The following KIF4A variants were observed in gnomAD, a reference collection of about 807,000 sequenced individuals.
KIF4A encodes the protein kinesin family member 4A, also known as chromosome-associated kinesin KIF4A.
Under a neutral mutation model 105.9 loss-of-function variants are expected in KIF4A, and 7 were observed. The ratio of observed to expected loss-of-function variants is 0.07; its 90% CI spans 0.04 to 0.12. The LOEUF (loss-of-function observed/expected upper bound fraction) is 0.12, where lower values mean the gene tolerates loss of function less well. Among genes scored for constraint, KIF4A ranks in the 10% least tolerant of loss-of-function variants. The pLI is 1.00. For missense variants in KIF4A, 558 were observed against 929.2 expected (o/e 0.60, Z 5.19); for synonymous variants, 281 against 331.3 (o/e 0.85, Z 1.65).
chrX:70,385,893 G>T (rs1913963928), intron 18 of KIF4A, among the ~76,000 whole-genome samples: 1 of 111,224 alleles, frequency 9.0e-6, no homozygotes, highest in South Asian at 3.9e-4. Context: ...TTCAGTGGGT[G>T]CAGGAGCAGG....
At chrX:70,405,928 T>G (rs1036001028) in intron 26 of KIF4A, 23 bp downstream of exon 26, 6 of 1,150,866 alleles carry the variant, frequency 5.2e-6, no homozygotes, top group Non-Finnish European at 7.1e-6. Flanking sequence ...CCCACCCACT[T>G]GATAAGCCCT....
chrX:70,336,628 CAT>C (rs2085951742), intron 10 of KIF4A, among the ~76,000 whole-genome samples: 1 of 111,471 alleles, frequency 9.0e-6, no homozygotes, highest in Admixed American at 9.6e-5. Flanking sequence ...AGCATTTTTT[CAT>C]ATGTTTAAGG....
At chrX:70,389,804 T>TCAGG (rs202036132) in intron 20 of KIF4A, among the ~76,000 whole-genome samples, 9,887 of 111,813 alleles carry the variant, frequency 0.088, 361 homozygotes, top group African/African-American at 0.12. Context: ...AATCCTGAAA[T>TCAGG]CAGTGTAAGT....
chrX:70,320,502 A>G (rs988089170), intron 7 of KIF4A, among the ~76,000 whole-genome samples: 5 of 112,317 alleles, frequency 4.5e-5, no homozygotes, highest in African/African-American at 1.6e-4. Flanking sequence ...ATAAAAAAGA[A>G]TGAAATCCTG....
At chrX:70,375,078 G>T in intron 16 of KIF4A, 126 bp from the exon 17 acceptor site, 5 of 730,453 alleles carry the variant, frequency 6.8e-6, no homozygotes, top group Non-Finnish European at 9.7e-6. Flanking sequence ...CTTTTTTTAA[G>T]ATGGCTATGT....
intron 29 of KIF4A, among the ~76,000 whole-genome samples, chrX:70,418,759 C>T (rs191566105): frequency 1.8e-5 from 2 of 112,039 alleles, no homozygotes; most frequent in African/African-American, 3.2e-5. Flanking sequence ...TGAACATCCA[C>T]ATGTGAAGAG....
chrX:70,403,488 G>T lies in KIF4A; in HGVS notation c.2620-376G>T, dbSNP rs2086289502. Among the ~76,000 whole-genome samples, 3 of 112,681 alleles carry T rather than the reference G, an allele frequency of 2.7e-5. No individual in the cohort carries two copies. In the South Asian group the frequency reaches 1.1e-3, roughly 41 times the overall value. On this transcript the variant is annotated intron_variant, in intron 23 of 30. Transcript: ENST00000374403. ...AAATGGGACATAATTGGCCATAAGG[G>T]TGTGTCCTGTGGATTTTGCTTAAAA...
chrX:70,368,080 G>A (rs1345144879), intron 15 of KIF4A, among the ~76,000 whole-genome samples: 6 of 111,986 alleles, frequency 5.4e-5, no homozygotes, highest in Non-Finnish European at 1.1e-4. Context: ...CGTAGTTCTC[G>A]TGCTGTGGTT....
intron 15 of KIF4A, among the ~76,000 whole-genome samples, chrX:70,364,949 G>T (rs1209042564): frequency 9.0e-6 from 1 of 111,081 alleles, no homozygotes; most frequent in Non-Finnish European, 1.9e-5. Flanking sequence ...CCTTGAAGAG[G>T]TCCTTCACAT....
At chrX:70,350,509 G>C (rs185521755) in intron 13 of KIF4A, among the ~76,000 whole-genome samples, 2 of 108,550 alleles carry the variant, frequency 1.8e-5, no homozygotes, top group East Asian at 5.9e-4. Flanking sequence ...AAGGGAGAGA[G>C]GGGGAGGGGG....
chrX:70,419,121 A>G (rs1204452907), intron 29 of KIF4A, among the ~76,000 whole-genome samples: 1 of 111,235 alleles, frequency 9.0e-6, no homozygotes, highest in Non-Finnish European at 1.9e-5. Flanking sequence ...ATAGATAGGC[A>G]AGCTAGAAGT....
At chrX:70,418,857 G>A (rs1330140291) in intron 29 of KIF4A, among the ~76,000 whole-genome samples, 1 of 111,322 alleles carries the variant, frequency 9.0e-6, no homozygotes, top group African/African-American at 3.3e-5. Flanking sequence ...GGCCGAGGCG[G>A]GCGGATCACG....
At chrX:70,373,529 T>C (rs1422264236) in intron 15 of KIF4A, among the ~76,000 whole-genome samples, 1 of 29,837 alleles carries the variant, frequency 3.4e-5, no homozygotes, top group South Asian at 1.7e-3. Flanking sequence ...TGTATGTATA[T>C]ATATATATAT....
At chrX:70,334,513 C>G (rs899391079) in intron 10 of KIF4A, among the ~76,000 whole-genome samples, 2 of 112,164 alleles carry the variant, frequency 1.8e-5, no homozygotes, top group African/African-American at 6.5e-5. Context: ...TATTTACTTG[C>G]TCAGTTCTAC....
intron 9 of KIF4A, among the ~76,000 whole-genome samples, chrX:70,331,116 T>C (rs1430252028): frequency 2.7e-5 from 3 of 111,730 alleles, no homozygotes; most frequent in Admixed American, 9.5e-5. Flanking sequence ...GCAAGTTCTC[T>C]GTGCCTTGGT....
chrX:70,364,189 T>C (rs144911278), intron 15 of KIF4A, among the ~76,000 whole-genome samples: 1,832 of 112,001 alleles, frequency 0.016, 37 homozygotes, highest in African/African-American at 0.056. Flanking sequence ...ATTCTGTAGG[T>C]TGCCTCTTCA....
chrX:70,387,826 CCATTGCACT>C (rs758590136), intron 20 of KIF4A, among the ~76,000 whole-genome samples: 20 of 111,529 alleles, frequency 1.8e-4, no homozygotes, highest in Non-Finnish European at 3.6e-4. Context: ...CAAGATCGCA[CCATTGCACT>C]CCAAACTGGG....
intron 3 of KIF4A, among the ~76,000 whole-genome samples, chrX:70,293,764 T>C (rs2085769902): frequency 8.9e-6 from 1 of 112,078 alleles, no homozygotes; most frequent in Non-Finnish European, 1.9e-5. Flanking sequence ...TAAAAACTGA[T>C]ACACCCGTAT....
chrX:70,312,308 C>A (rs1167284088), intron 7 of KIF4A, among the ~76,000 whole-genome samples: 1 of 109,889 alleles, frequency 9.1e-6, no homozygotes, highest in East Asian at 2.9e-4. Flanking sequence ...CCACGTCCAG[C>A]TAATTTTTGC....
Sources: gnomAD v4.1 joint callset for allele counts (sites outside exome capture counted in the v4.1 genomes callset) on GRCh38, gnomAD v4.1.1 for gene constraint, MANE v1.5 for transcripts, NCBI Gene and HGNC (gene_info 2026-07-23, HGNC 2026-07-21) for gene names.